The following VAV2 variants were observed in gnomAD, a reference collection of about 807,000 sequenced individuals.
VAV2 encodes vav guanine nucleotide exchange factor 2, also known as guanine nucleotide exchange factor VAV2.
A neutral mutation model predicts 132.5 loss-of-function variants in VAV2; 67 were observed. The ratio of observed to expected loss-of-function variants is 0.51; its 90% confidence interval spans 0.42 to 0.62. The LOEUF (loss-of-function observed/expected upper bound fraction) is 0.62, where lower values mean the gene tolerates loss of function less well. VAV2 is among the 20% of genes least tolerant of loss of function. The pLI is 0.00. For missense variants in VAV2, 938 were observed against 1,153.6 expected (o/e 0.81, Z 2.71); for synonymous variants, 492 against 443.5 (o/e 1.11, Z -1.37).
At chr9:133,830,993 G>C (rs1836239487) in intron 4 of VAV2, among the ~76,000 whole-genome samples, 1 of 152,182 alleles carries the variant, frequency 6.6e-6, no homozygotes, top group Non-Finnish European at 1.5e-5. Flanking sequence ...GTTGGATTAA[G>C]GAGGCTCAGT....
chr9:133,828,594 C>T (rs934079843), intron 4 of VAV2, among the ~76,000 whole-genome samples: 3 of 152,240 alleles, frequency 2.0e-5, no homozygotes, highest in Non-Finnish European at 4.4e-5. Flanking sequence ...TTCTACCGTG[C>T]GGAGAAACAC....
At chr9:133,796,160 T>G (rs560913258) in intron 11 of VAV2, among the ~76,000 whole-genome samples, 18 of 152,320 alleles carry the variant, frequency 1.2e-4, no homozygotes, top group African/African-American at 4.1e-4. Context: ...CCACAGTAGC[T>G]TTCTTATTCC....
intron 3 of VAV2, among the ~76,000 whole-genome samples, chr9:133,848,560 A>G (rs2486350): frequency 0.29 from 44,032 of 152,090 alleles, 9,371 homozygotes; most frequent in African/African-American, 0.61. Context: ...TGGAGAAAGC[A>G]ACCAGCAAGG....
chr9:133,895,429 G>A (rs1441105920), intron 2 of VAV2, among the ~76,000 whole-genome samples: 3 of 152,210 alleles, frequency 2.0e-5, no homozygotes, highest in Admixed American at 6.5e-5. Flanking sequence ...TCAAATGTCC[G>A]TCAACAGATG....
chr9:133,776,950 A>G (rs1412620306), intron 23 of VAV2, among the ~76,000 whole-genome samples: 1 of 152,218 alleles, frequency 6.6e-6, no homozygotes, highest in African/African-American at 2.4e-5. Context: ...CCCTCAGATG[A>G]AAGAAATACC....
At position 133,794,352 on chromosome 9, in the gene VAV2, C is replaced by T. The variant is rs967342630; in HGVS notation, c.1101+1316G>A. ...CAGGGTGCTCGCTGCCCAGTGCAGC[C>T]GAGCGGGAATCTGAAGGTCTCTGGG... On this transcript the variant is annotated intron_variant, in intron 12 of 29. Coordinates refer to ENST00000371850, the MANE Select transcript of VAV2 (RefSeq NM_001134398.2). The surrounding 1 kb of genome is among the most constrained non-coding windows in gnomAD (Gnocchi z 4.6). Among the ~76,000 whole-genome samples, 2 of 152,026 alleles carry T rather than the reference C, an allele frequency of 1.3e-5. No individual in the cohort carries two copies. The highest frequency in any genetic ancestry group is 2.9e-5 in the Non-Finnish European group (2 of 67,998).
In VAV2 at chr9:133,828,224, C is replaced by A. The variant is rs773470736; in HGVS notation, c.449+6048G>T. ...TGACCACTGAGTGGGGGCATCACCACCTACCGCTGCGCCCACTGGGGCTGA... is the reference window on the plus strand; with the variant it reads ...TGACCACTGAGTGGGGGCATCACCAACTACCGCTGCGCCCACTGGGGCTGA... On this transcript the variant is annotated intron_variant, in intron 4 of 29. Transcript: ENST00000371850. Among the ~76,000 whole-genome samples, 83 of 6,100 alleles carry A rather than the reference C, an allele frequency of 0.014. 27 individuals carry two copies. In the East Asian group the frequency reaches 0.27, roughly 20 times the overall value. The allele number at this position is 6,100 out of a possible 152,430, so 4.0% of individuals were successfully genotyped here.
chr9:133,831,297 G>A (rs1390220164), intron 4 of VAV2, among the ~76,000 whole-genome samples: 1 of 152,150 alleles, frequency 6.6e-6, no homozygotes, highest in Non-Finnish European at 1.5e-5. Context: ...TTAGCCGGGC[G>A]TGGTGGTGCA....
intron 2 of VAV2, among the ~76,000 whole-genome samples, chr9:133,924,942 C>G (rs963758247): frequency 2.6e-5 from 4 of 152,226 alleles, no homozygotes; most frequent in African/African-American, 9.6e-5. Flanking sequence ...TGAAACTTCA[C>G]GCTCAGTGCA....
intron 21 of VAV2, among the ~76,000 whole-genome samples, chr9:133,779,460 T>G (rs1001359380): frequency 6.6e-6 from 1 of 152,236 alleles, no homozygotes; most frequent in Non-Finnish European, 1.5e-5. Flanking sequence ...CCTCTGCCGA[T>G]GAGGGTGAGG....
chr9:133,834,903 G>A lies in VAV2; in HGVS notation c.381-563C>T, dbSNP rs1214084288. Among the ~76,000 whole-genome samples the A allele has an allele frequency of 4.6e-5, 7 of 152,148 alleles. No individual in the cohort carries two copies. The highest frequency in any genetic ancestry group is 7.2e-5 in the African/African-American group (3 of 41,432). On this transcript the variant is annotated intron_variant, in intron 3 of 29. Transcript: ENST00000371850. This position sits in a 1 kb window ranked among gnomAD's most constrained non-coding sequence, Gnocchi z 5.9. Reference sequence around the variant, plus strand: ...AGAGTCCCGAAAATGAAAAGCCCTCGGACCTTCCGCCTGGATCCACAGCCT... The same window carrying A: ...AGAGTCCCGAAAATGAAAAGCCCTCAGACCTTCCGCCTGGATCCACAGCCT...
Position 133,822,336 on chromosome 9 carries a change from C to T in VAV2, c.450-10120G>A, listed in dbSNP as rs569771376. Among the ~76,000 whole-genome samples, 11 of 152,286 alleles carry T rather than the reference C, an allele frequency of 7.2e-5. No individual in the cohort carries two copies. The South Asian group carries it at 1.9e-3, about 26-fold the overall frequency. On this transcript the variant is annotated intron_variant, in intron 4 of 29. Transcript: ENST00000371850. The stretch of plus-strand genomic sequence containing the variant: ...TTAGTGTGTTACTAGGAAACCGAGT[C>T]GGATGTTTCCTGACCTCCGTCCACA...
intron 8 of VAV2, among the ~76,000 whole-genome samples, chr9:133,806,757 G>A (rs918300067): frequency 5.3e-5 from 8 of 152,232 alleles, no homozygotes; most frequent in South Asian, 4.1e-4. Context: ...ACCTGTGGCC[G>A]CCAGGCCAGG....
chr9:133,907,894 AGG>A (rs1839725742), intron 2 of VAV2, among the ~76,000 whole-genome samples: 1 of 79,402 alleles, frequency 1.3e-5, no homozygotes. Context: ...CAGAGAGTGG[AGG>A]GAGGGCCTGG....
intron 1 of VAV2, among the ~76,000 whole-genome samples, chr9:133,970,376 C>G (rs992419907): frequency 3.9e-5 from 6 of 152,306 alleles, no homozygotes; most frequent in African/African-American, 1.2e-4. Flanking sequence ...GCACCACGTT[C>G]GGTGCTTGCT....
At chr9:133,957,228 G>A (rs1841812320) in intron 1 of VAV2, among the ~76,000 whole-genome samples, 1 of 152,160 alleles carries the variant, frequency 6.6e-6, no homozygotes, top group Non-Finnish European at 1.5e-5. Context: ...ATTTCACCAG[G>A]GAAGGATGTG....
At chr9:133,873,625 CCT>C (rs1838146627) in intron 2 of VAV2, among the ~76,000 whole-genome samples, 1 of 152,204 alleles carries the variant, frequency 6.6e-6, no homozygotes, top group Non-Finnish European at 1.5e-5. Context: ...GCACGGAAGC[CCT>C]GTGTCCCAGG....
chr9:133,883,079 G>A lies in VAV2; in HGVS notation c.322-21647C>T, dbSNP rs1281108042. Among the ~76,000 whole-genome samples, 2 of 151,848 alleles carry A rather than the reference G, an allele frequency of 1.3e-5. No homozygotes were observed. Among genetic ancestry groups the A allele is most frequent in the East Asian group, 3.9e-4 (2 of 5,142 alleles). Reference sequence around the variant, plus strand: ...TCTTTCCCAGGGAACAACCTCCCCAGGCTCCATCCCTATGTCCCCACCCCC... The same window carrying A: ...TCTTTCCCAGGGAACAACCTCCCCAAGCTCCATCCCTATGTCCCCACCCCC... On this transcript the variant is annotated intron_variant, in intron 2 of 29. Transcript: ENST00000371850. The surrounding 1 kb of genome is among the most constrained non-coding windows in gnomAD (Gnocchi z 4.2).
chr9:133,938,565 G>C (rs1188537665), intron 2 of VAV2, among the ~76,000 whole-genome samples: 1 of 152,006 alleles, frequency 6.6e-6, no homozygotes, highest in Non-Finnish European at 1.5e-5. Flanking sequence ...ACACTTCCCG[G>C]GGTCACCACT....
Sources: allele counts gnomAD v4.1 joint callset (sites outside exome capture counted in the v4.1 genomes callset), GRCh38; gene constraint gnomAD v4.1.1; non-coding constraint Gnocchi (gnomAD v3.1); transcripts MANE v1.5; gene names NCBI Gene and HGNC (gene_info 2026-07-23, HGNC 2026-07-21).